INTS12: variants seen among roughly 807,000 people sequenced by gnomAD.
The protein encoded by INTS12 is PHD finger protein 22.
In INTS12, 13 loss-of-function variants were observed where a neutral mutation model predicts 41.6. The ratio of observed to expected loss-of-function variants is 0.31; its 90% CI spans 0.20 to 0.50. The LOEUF (loss-of-function observed/expected upper bound fraction) is 0.50, where lower values mean the gene tolerates loss of function less well. Among genes scored for constraint, INTS12 ranks in the 20% least tolerant of loss-of-function variants. INTS12 has a pLI of 0.98. For synonymous variants in INTS12, 199 were observed against 191.4 expected, an observed-to-expected ratio of 1.04 and a Z score of -0.33; for missense variants, 432 against 541.6, an observed-to-expected ratio of 0.80 and a Z score of 2.01.
chr4:105,689,825 G>A (rs1408202054), intron 6 of INTS12, among the ~76,000 whole-genome samples: 1 of 152,156 alleles, frequency 6.6e-6, no homozygotes, highest in East Asian at 1.9e-4. Context: ...AGGATTGCTT[G>A]AGCCTGGGAG....
At chr4:105,689,815 AG>A (rs1731622665) in intron 6 of INTS12, among the ~76,000 whole-genome samples, 1 of 152,088 alleles carries the variant, frequency 6.6e-6, no homozygotes, top group Admixed American at 6.5e-5. Context: ...CTGAGGTGGG[AG>A]GATTGCTTGA....
chr4:105,703,100 T>C, intron 2 of INTS12: 2 of 833,084 alleles, frequency 2.4e-6, no homozygotes, highest in Non-Finnish European at 2.9e-6. Flanking sequence ...TGTATATTCA[T>C]TCCTAAACCC....
At chr4:105,683,721 A>AT (rs1731405990) in intron 7 of INTS12, among the ~76,000 whole-genome samples, 1 of 152,174 alleles carries the variant, frequency 6.6e-6, no homozygotes, top group Non-Finnish European at 1.5e-5. Context: ...CAAAAATTTA[A>AT]TTCACTCTTA....
intron 7 of INTS12, 93 bp from the exon 8 acceptor site, chr4:105,683,410 A>G: frequency 1.1e-6 from 1 of 929,430 alleles, no homozygotes; most frequent in Non-Finnish European, 1.6e-6. Context: ...TTTAAATCAC[A>G]CCACCAAATT....
At chr4:105,688,601 T>C (rs917153595) in intron 6 of INTS12, among the ~76,000 whole-genome samples, 2 of 152,188 alleles carry the variant, frequency 1.3e-5, no homozygotes, top group Admixed American at 6.5e-5. Context: ...TTATCCTTCA[T>C]TGCAAAACCA....
chr4:105,701,819 T>G (rs941068771), intron 2 of INTS12, among the ~76,000 whole-genome samples: 5 of 152,186 alleles, frequency 3.3e-5, no homozygotes, highest in Non-Finnish European at 2.9e-5. Flanking sequence ...AAAAACCATT[T>G]CTTGAAATTT....
intron 1 of INTS12, chr4:105,705,524 T>G (rs1240315118): frequency 6.7e-6 from 1 of 149,798 alleles, no homozygotes; most frequent in Admixed American, 6.6e-5. Flanking sequence ...CCAAAAAGGT[T>G]GTGGACCATT....
chr4:105,700,037 A>C (rs763186556), intron 2 of INTS12, 23 bp from the exon 3 acceptor site: 5 of 1,436,538 alleles, frequency 3.5e-6, no homozygotes, highest in Admixed American at 4.4e-5. Flanking sequence ...AAGAGAAAGT[A>C]ATCTAGAAGA....
At chr4:105,699,743 A>G in intron 3 of INTS12, 107 bp downstream of exon 3, 1 of 808,976 alleles carries the variant, frequency 1.2e-6, no homozygotes, top group South Asian at 4.3e-5. Context: ...TCATGCTACA[A>G]GGAAAGATTA....
At chr4:105,694,451 G>C (rs1223463718) in intron 4 of INTS12, among the ~76,000 whole-genome samples, 1 of 152,000 alleles carries the variant, frequency 6.6e-6, no homozygotes, top group East Asian at 1.9e-4. Context: ...TCAGCCTCCT[G>C]AGGTGCTGGA....
chr4:105,682,687 C>T lies in INTS12; in HGVS notation c.*46G>A. 2 of 1,352,076 alleles carry T rather than the reference C, an allele frequency of 1.5e-6. No homozygotes were observed. The highest frequency in any genetic ancestry group is 2.1e-6 in the Non-Finnish European group (2 of 953,354). The allele number at this position is 1,352,076 out of a possible 1,614,324, so 83.8% of individuals were successfully genotyped here. A position where few individuals can be genotyped will look rare whatever the true frequency, so the allele number is the denominator to read the frequency against. On this transcript the variant is annotated 3_prime_UTR_variant, in exon 8 of 8. Transcript: ENST00000340139. Reference sequence around the variant, plus strand: ...TTACAGATTATATCATAATAATAAGCCTTTCATCTTTAGGCTAATATGATA... The same window carrying T: ...TTACAGATTATATCATAATAATAAGTCTTTCATCTTTAGGCTAATATGATA...
intron 5 of INTS12, among the ~76,000 whole-genome samples, chr4:105,692,724 G>T (rs1359094221): frequency 1.3e-5 from 2 of 152,048 alleles, no homozygotes; most frequent in Non-Finnish European, 1.5e-5. Flanking sequence ...CTCTCAGAAG[G>T]TAGTAGACTC....
intron 6 of INTS12, among the ~76,000 whole-genome samples, chr4:105,689,527 T>C (rs1317462464): frequency 1.3e-5 from 2 of 152,154 alleles, no homozygotes; most frequent in East Asian, 1.9e-4. Flanking sequence ...ATTCTAGTCA[T>C]GTTATAATAT....
Position 105,694,988 on chromosome 4 carries a change from G to A in INTS12, c.309+528C>T, listed in dbSNP as rs560088751. On this transcript the variant is annotated intron_variant, in intron 4 of 7. Transcript: ENST00000340139. ...CACCCAGGCTGGAGTGCAGTGGCAC[G>A]ATCACCGCTCACTGCAATCTCTGCC... is the stretch of plus-strand genomic sequence containing the variant. 2.6e-4 allele frequency among the ~76,000 whole-genome samples: 40 copies of A among 151,808 alleles called. 1 individual carries two copies. The highest frequency in any genetic ancestry group is 7.9e-4 in the Admixed American group (12 of 15,260).
intron 6 of INTS12, among the ~76,000 whole-genome samples, chr4:105,688,464 A>C (rs1327375988): frequency 6.6e-6 from 1 of 152,176 alleles, no homozygotes; most frequent in African/African-American, 2.4e-5. Flanking sequence ...CATACCTTCC[A>C]CATCAAAGTA....
intron 2 of INTS12, among the ~76,000 whole-genome samples, chr4:105,701,275 A>G (rs1197546234): frequency 5.7e-5 from 8 of 139,254 alleles, no homozygotes; most frequent in Non-Finnish European, 1.1e-4. Context: ...GGTATTAGTT[A>G]TCTACCTGAT....
chr4:105,700,641 G>A (rs1406417365), intron 2 of INTS12, among the ~76,000 whole-genome samples: 5 of 148,312 alleles, frequency 3.4e-5, no homozygotes, highest in Admixed American at 6.8e-5. Context: ...TTAGATTGTG[G>A]TATCTCATGC....
intron 6 of INTS12, among the ~76,000 whole-genome samples, chr4:105,688,457 A>G (rs1731569324): frequency 6.6e-6 from 1 of 152,176 alleles, no homozygotes. Context: ...TATACTACAT[A>G]CCTTCCACAT....
In INTS12 at chr4:105,688,364, T is replaced by C. The variant is rs1189160737; in HGVS notation, c.658-1526A>G. The stretch of plus-strand genomic sequence containing the variant: ...CAGAATTTGGCCTATTTTGCTCTTG[T>C]TTGGGCCTTCTTGTGTAATCTTGGG... On this transcript the variant is annotated intron_variant, in intron 6 of 7. Transcript: ENST00000340139. Among the ~76,000 whole-genome samples, 5 of 152,294 alleles carry C rather than the reference T, an allele frequency of 3.3e-5. No individual in the cohort carries two copies. The East Asian group carries it at 9.6e-4, about 29-fold the overall frequency.
Sources: allele counts gnomAD v4.1 joint callset (sites outside exome capture counted in the v4.1 genomes callset), GRCh38; gene constraint gnomAD v4.1.1; transcripts MANE v1.5; gene names NCBI Gene and HGNC (gene_info 2026-07-23, HGNC 2026-07-21).